Variants in UTRN observed in about 807,000 individuals in gnomAD.
The protein encoded by UTRN is utrophin, also known as dystrophin-related protein 1.
UTRN carries 283 observed loss-of-function variants against 463.9 expected under a neutral mutation model. The observed-to-expected ratio is 0.61, with a 90% CI of 0.55 to 0.67. UTRN has a LOEUF of 0.67. Ranked by LOEUF, UTRN falls within the 30% of genes least tolerant of loss-of-function variation. The pLI is 0.00. For missense variants in UTRN, 3,922 were observed against 4,084.3 expected (o/e 0.96, Z 1.08); for synonymous variants, 1,442 against 1,431.5 (o/e 1.01, Z -0.17).
chr6:144,473,609 G>A (rs1436378306), intron 23 of UTRN, 111 bp from the exon 24 acceptor site: 3 of 613,272 alleles, frequency 4.9e-6, no homozygotes, highest in South Asian at 2.9e-5. Context: ...AAATGAAAGC[G>A]ATGCTATCGG....
Position 144,440,408 on chromosome 6 carries a change from G to C in UTRN, c.1449G>C (p.Met483Ile), listed in dbSNP as rs201316403. Residue 483 changes from methionine (M) to isoleucine (I), a missense_variant, in exon 13 of 75, where the codon ATG becomes ATC. Transcript: ENST00000367545. ...EQVKVNSLTH[M>I]VVIVDENSGE... ...TGAAAGTAAATTCACTAACTCACAT[G>C]GTGGTCATTGTTGATGAAAACAGTG... 6.8e-5 allele frequency: 110 copies of C among 1,614,026 alleles called. No individual in the cohort carries two copies. The highest frequency in any genetic ancestry group is 8.7e-5 in the Non-Finnish European group (103 of 1,180,030).
At chr6:144,496,448 G>A (rs1287748433) in intron 33 of UTRN, among the ~76,000 whole-genome samples, 7 of 152,188 alleles carry the variant, frequency 4.6e-5, no homozygotes, top group African/African-American at 1.7e-4. Context: ...TATACAGCTG[G>A]TTATTCGTTA....
At chr6:144,345,781 G>T (rs1777514423) in intron 2 of UTRN, among the ~76,000 whole-genome samples, 1 of 152,172 alleles carries the variant, frequency 6.6e-6, no homozygotes, top group African/African-American at 2.4e-5. Flanking sequence ...TCTGTGGTCA[G>T]CTAGTCTTCA....
chr6:144,732,237 T>TATAC (rs1314919610), intron 54 of UTRN, among the ~76,000 whole-genome samples: 16 of 87,342 alleles, frequency 1.8e-4, no homozygotes, highest in East Asian at 1.0e-3. Flanking sequence ...TATATATATA[T>TATAC]ACATATATAT....
Position 144,507,596 on chromosome 6 carries a change from G to A in UTRN, c.4765-3348G>A, listed in dbSNP as rs573855822. On this transcript the variant is annotated intron_variant, in intron 34 of 74. Coordinates refer to ENST00000367545, the MANE Select transcript of UTRN (RefSeq NM_007124.3). ...TGCCTGGGTATCATCAGGGGAAGCT[G>A]CAGAATAGCAAAGATTGCTCCCTGC... is the stretch of plus-strand genomic sequence containing the variant. Among the ~76,000 whole-genome samples, 5 of 152,254 alleles carry A rather than the reference G, an allele frequency of 3.3e-5. No homozygotes were observed. In the East Asian group the frequency reaches 9.7e-4, roughly 29 times the overall value.
chr6:144,453,403 G>A (rs993843748), intron 18 of UTRN, among the ~76,000 whole-genome samples: 2 of 152,190 alleles, frequency 1.3e-5, no homozygotes, highest in Non-Finnish European at 2.9e-5. Flanking sequence ...GATTACAGGT[G>A]TGAGCCACCA....
chr6:144,510,206 G>T (rs1321323911), intron 34 of UTRN, among the ~76,000 whole-genome samples: 1 of 152,126 alleles, frequency 6.6e-6, no homozygotes, highest in East Asian at 1.9e-4. Context: ...CATGCATATT[G>T]CTTTTTGATT....
rs1044391492 is a variant in UTRN, at chr6:144,416,808, A to G, written c.142-5070A>G. Among the ~76,000 whole-genome samples the G allele has an allele frequency of 3.3e-5, 5 of 152,230 alleles. No homozygotes were observed. In the East Asian group the frequency reaches 7.7e-4, roughly 23 times the overall value. The stretch of plus-strand genomic sequence containing the variant: ...ACCATTTTGTATTTATTGGAAAACT[A>G]TGGAAACTCTCTTGAGAATAAGGAG... On this transcript the variant is annotated intron_variant, in intron 3 of 74. Transcript: ENST00000367545.
intron 58 of UTRN, among the ~76,000 whole-genome samples, chr6:144,759,421 G>C (rs1208800539): frequency 3.9e-5 from 6 of 152,074 alleles, no homozygotes; most frequent in Non-Finnish European, 7.4e-5. Context: ...ATATTGACTT[G>C]AATTTAATCT....
chr6:144,592,284 T>C (rs1052577752), intron 51 of UTRN, among the ~76,000 whole-genome samples: 3 of 152,218 alleles, frequency 2.0e-5, no homozygotes, highest in Non-Finnish European at 4.4e-5. Context: ...CATCATTAAG[T>C]GCATCCTGAT....
chr6:144,360,339 A>G (rs1411638290), intron 2 of UTRN, among the ~76,000 whole-genome samples: 1 of 151,596 alleles, frequency 6.6e-6, no homozygotes, highest in Non-Finnish European at 1.5e-5. Context: ...TGCCTGGCGA[A>G]TTTTTATATT....
intron 43 of UTRN, among the ~76,000 whole-genome samples, chr6:144,537,020 AAAC>A (rs1562540826): frequency 6.6e-6 from 1 of 152,074 alleles, no homozygotes; most frequent in Non-Finnish European, 1.5e-5. Context: ...TTATTTTAAT[AAAC>A]AAGCCAAATT....
At chr6:144,657,447 C>T (rs1202592144) in intron 51 of UTRN, among the ~76,000 whole-genome samples, 2 of 152,154 alleles carry the variant, frequency 1.3e-5, no homozygotes, top group Non-Finnish European at 2.9e-5. Flanking sequence ...TCGAATTCCA[C>T]AGGAGAACAT....
chr6:144,795,849 T>TG (rs1325666732), intron 63 of UTRN, among the ~76,000 whole-genome samples: 1 of 152,100 alleles, frequency 6.6e-6, no homozygotes, highest in Non-Finnish European at 1.5e-5. Context: ...ATAGGTGTTT[T>TG]TTGTTGTTGT....
In UTRN at chr6:144,488,815, A is replaced by G; in HGVS notation, c.4115A>G (p.Gln1372Arg). The G allele has an allele frequency of 1.3e-6, 2 of 1,597,558 alleles. No individual in the cohort carries two copies. The highest frequency in any genetic ancestry group is 1.7e-6 in the Non-Finnish European group (2 of 1,170,210). Residue 1372 changes from glutamine to arginine, a missense_variant, in exon 30 of 75, where the codon CAA (glutamine) becomes CGA (arginine). Around this residue, in one of 3 missense-constraint regions of UTRN, gnomAD observed 2,349 missense variants for 2,303.8 expected, o/e 1.02. Coordinates refer to ENST00000367545, the MANE Select transcript of UTRN (RefSeq NM_007124.3). ...CTGACTGACAGGATAGATGCTTTCC[A>G]AGTTCCACAGGAAGCTCAGGTATTG... ...TYLTDRIDAF[Q>R]VPQEAQKIQA...
chr6:144,498,757 C>T (rs574805630), intron 33 of UTRN, among the ~76,000 whole-genome samples: 222 of 152,080 alleles, frequency 1.5e-3, no homozygotes, highest in Non-Finnish European at 2.5e-3. Context: ...AGGGCTCAAG[C>T]GATTCTCCCA....
At chr6:144,666,322 A>G (rs1459109901) in intron 51 of UTRN, among the ~76,000 whole-genome samples, 3 of 152,102 alleles carry the variant, frequency 2.0e-5, no homozygotes, top group Non-Finnish European at 4.4e-5. Context: ...GCAGGCTTCT[A>G]AATTATTTTA....
chr6:144,483,199 A>T (rs1358845588), intron 27 of UTRN, among the ~76,000 whole-genome samples: 1 of 152,196 alleles, frequency 6.6e-6, no homozygotes, highest in African/African-American at 2.4e-5. Context: ...TTCTTGTTCT[A>T]AACCAATTTT....
chr6:144,398,492 G>C (rs1430890010), intron 2 of UTRN: 3 of 340,280 alleles, frequency 8.8e-6, no homozygotes, highest in Non-Finnish European at 1.2e-5. Context: ...TGGTTATCCA[G>C]GACAGTGATA....
Sources: gnomAD v4.1 joint callset for allele counts (sites outside exome capture counted in the v4.1 genomes callset) on GRCh38, gnomAD v4.1.1 for gene constraint, gnomAD v4.1.1 regional missense constraint, MANE v1.5 for transcripts, NCBI Gene and HGNC (gene_info 2026-07-23, HGNC 2026-07-21) for gene names.